Variants in OSBPL9 observed in about 807,000 individuals in gnomAD.
OSBPL9 encodes the protein oxysterol-binding protein-related protein 9.
In OSBPL9, 40 loss-of-function variants were observed where a neutral mutation model predicts 106.6. The ratio of observed to expected loss-of-function variants is 0.38; its 90% CI spans 0.29 to 0.49. OSBPL9 has a LOEUF of 0.49. OSBPL9 is among the 20% of genes least tolerant of loss of function. The pLI is 0.97. For synonymous variants in OSBPL9, 269 were observed against 295.4 expected, an observed-to-expected ratio of 0.91 and a Z score of 0.92; for missense variants, 609 against 887.2, an observed-to-expected ratio of 0.69 and a Z score of 3.98.
At chr1:51,706,931 G>A (rs991089962) in intron 3 of OSBPL9, among the ~76,000 whole-genome samples, 2 of 152,052 alleles carry the variant, frequency 1.3e-5, no homozygotes, top group African/African-American at 2.4e-5. Flanking sequence ...TGCATACAGG[G>A]GACTTTATTG....
rs1272997601 is a variant in OSBPL9 at position 51,781,330 on chromosome 1, A to C, written c.1423A>C (p.Asn475His). 18 of 1,613,852 alleles carry C rather than the reference A, an allele frequency of 1.1e-5. No individual in the cohort carries two copies. Among genetic ancestry groups the C allele is most frequent in the Non-Finnish European group, 1.5e-5 (18 of 1,179,832 alleles). ...HWTLPNDTEE[N>H]TELVSEGPVP... ...GACATTACCAAATGATACTGAAGAGAACACAGTGAGTTCTGCATTGACATT... is the reference window on the plus strand; with the variant it reads ...GACATTACCAAATGATACTGAAGAGCACACAGTGAGTTCTGCATTGACATT... Residue 475 changes from asparagine (N) to histidine (H), a missense_variant, in exon 16 of 24, where the codon AAC becomes CAC. Physicochemically the swap from Asn to His is moderately conservative, Grantham distance 68. This residue lies in a region of OSBPL9 where 356 missense variants were observed against 505.8 expected (regional missense o/e 0.70). Transcript: ENST00000428468.
At chr1:51,537,687 C>T in the OSBPL9 span, among the ~76,000 whole-genome samples, 2 of 151,982 alleles carry the variant, frequency 1.3e-5, no homozygotes, top group Non-Finnish European at 2.9e-5. Flanking sequence ...TAGGACTACA[C>T]GCCACTACAC....
chr1:51,611,747 G>T (rs1643989423), intron 2 of OSBPL9, among the ~76,000 whole-genome samples: 1 of 152,272 alleles, frequency 6.6e-6, no homozygotes, highest in South Asian at 2.1e-4. Flanking sequence ...AAGGGGTGGG[G>T]GGTGGATCAC....
chr1:51,701,184 C>T (rs1484258520), intron 3 of OSBPL9, among the ~76,000 whole-genome samples: 1 of 152,216 alleles, frequency 6.6e-6, no homozygotes, highest in Non-Finnish European at 1.5e-5. Context: ...AGGTGATCCA[C>T]CCGCCTCGGC....
At chr1:51,736,755 A>C (rs1256994060) in intron 4 of OSBPL9, among the ~76,000 whole-genome samples, 1 of 152,248 alleles carries the variant, frequency 6.6e-6, no homozygotes, top group Non-Finnish European at 1.5e-5. Context: ...AAATGCTCTT[A>C]ATCTGAGGTT....
At chr1:51,751,689 G>A (rs1669273636) in intron 8 of OSBPL9, among the ~76,000 whole-genome samples, 1 of 152,148 alleles carries the variant, frequency 6.6e-6, no homozygotes, top group Non-Finnish European at 1.5e-5. Flanking sequence ...GCCTTCTATT[G>A]AAGATTGGGG....
intron 2 of OSBPL9, among the ~76,000 whole-genome samples, chr1:51,606,856 G>A (rs1263176911): frequency 1.3e-5 from 2 of 152,022 alleles, no homozygotes; most frequent in South Asian, 2.1e-4. Flanking sequence ...AGACTAGCCT[G>A]GCTAACACGG....
intron 4 of OSBPL9, among the ~76,000 whole-genome samples, chr1:51,717,013 C>A (rs1661194210): frequency 6.6e-6 from 1 of 151,702 alleles, no homozygotes; most frequent in South Asian, 2.1e-4. Flanking sequence ...CAGAGTCTCA[C>A]TCATTGCAGT....
chr1:51,564,052 C>CAAAAAAAAAAAAAAAAAAAAA, the OSBPL9 span, among the ~76,000 whole-genome samples: 32 of 27,374 alleles, frequency 1.2e-3, 3 homozygotes, highest in African/African-American at 3.0e-3. Flanking sequence ...GAGATCATCT[C>CAAAAAAAAAAAAAAAAAAAAA]AAAAAAAAAA....
chr1:51,719,725 A>T (rs1211884626), intron 4 of OSBPL9, among the ~76,000 whole-genome samples: 1 of 152,212 alleles, frequency 6.6e-6, no homozygotes, highest in African/African-American at 2.4e-5. Context: ...AATGTTATTT[A>T]ATGTGGGCAA....
chr1:51,631,552 A>G (rs1645107160), intron 1 of OSBPL9, among the ~76,000 whole-genome samples: 1 of 152,062 alleles, frequency 6.6e-6, no homozygotes, highest in African/African-American at 2.4e-5. Flanking sequence ...AAAAGAAAAA[A>G]AAAAGACCAA....
Position 51,784,340 on chromosome 1 carries a change from AT to A in OSBPL9, c.1688+16del. On this transcript the variant is annotated intron_variant, in intron 19 of 23. Coordinates refer to ENST00000428468, the MANE Select transcript of OSBPL9 (RefSeq NM_024586.6). ...ATGGCTATGGAAGGCAAGTGTGTCCATTTCCTCTGATCAGCAGTAGACTCTG... is the reference window on the plus strand; with the variant it reads ...ATGGCTATGGAAGGCAAGTGTGTCCATTCCTCTGATCAGCAGTAGACTCTG... The A allele has an allele frequency of 1.2e-6, 2 of 1,612,244 alleles. No homozygotes were observed. The highest frequency in any genetic ancestry group is 1.7e-6 in the Non-Finnish European group (2 of 1,178,316).
At chr1:51,631,546 G>T (rs1435768340) in intron 1 of OSBPL9, among the ~76,000 whole-genome samples, 1 of 145,472 alleles carries the variant, frequency 6.9e-6, no homozygotes, top group African/African-American at 2.5e-5. Flanking sequence ...GTCTCAAAAA[G>T]AAAAAAAAAA....
At chr1:51,780,315 C>T (rs1306106870) in intron 15 of OSBPL9, among the ~76,000 whole-genome samples, 4 of 151,916 alleles carry the variant, frequency 2.6e-5, no homozygotes, top group African/African-American at 4.8e-5. Flanking sequence ...ATAGAGATGC[C>T]GTAAAGAACT....
chr1:51,688,693 T>C (rs1269023145), intron 3 of OSBPL9, among the ~76,000 whole-genome samples: 3 of 152,214 alleles, frequency 2.0e-5, no homozygotes, highest in African/African-American at 4.8e-5. Flanking sequence ...TTAATGAATT[T>C]GATTTAAGCA....
chr1:51,550,367 AT>A, the OSBPL9 span, among the ~76,000 whole-genome samples: 1 of 152,180 alleles, frequency 6.6e-6, no homozygotes, highest in Non-Finnish European at 1.5e-5. Flanking sequence ...AAGCAAATAG[AT>A]TTTCACAAAG....
chr1:51,592,174 G>A (rs1419073343), intron 1 of OSBPL9, among the ~76,000 whole-genome samples: 1 of 146,838 alleles, frequency 6.8e-6, no homozygotes, highest in Admixed American at 6.9e-5. Flanking sequence ...GAGTGCAGTG[G>A]CGCAATCTCG....
the OSBPL9 span, among the ~76,000 whole-genome samples, chr1:51,541,843 G>A: frequency 6.6e-6 from 1 of 152,114 alleles, no homozygotes; most frequent in East Asian, 1.9e-4. Flanking sequence ...CTCCCTCTGG[G>A]GAGAATAGTA....
intron 23 of OSBPL9, 61 bp downstream of exon 23, chr1:51,787,549 T>C (rs967198655): frequency 1.1e-5 from 17 of 1,608,596 alleles, no homozygotes; most frequent in Admixed American, 1.7e-5. Flanking sequence ...CAGTGAATGT[T>C]GAAGAAGTGA....
Sources: gnomAD v4.1 joint callset for allele counts (sites outside exome capture counted in the v4.1 genomes callset) on GRCh38, gnomAD v4.1.1 for gene constraint, gnomAD v4.1.1 regional missense constraint, MANE v1.5 for transcripts, NCBI Gene and HGNC (gene_info 2026-07-23, HGNC 2026-07-21) for gene names.